HMCN1: variants seen among roughly 807,000 people sequenced by gnomAD.
The protein encoded by HMCN1 is hemicentin-1.
HMCN1 carries 321 observed loss-of-function variants against 625.9 expected under a neutral mutation model. The ratio of observed to expected loss-of-function variants is 0.51; its 90% CI spans 0.47 to 0.56. The LOEUF (loss-of-function observed/expected upper bound fraction) is 0.56, where lower values mean the gene tolerates loss of function less well. HMCN1 is among the 20% of genes least tolerant of loss of function. The pLI, the probability that HMCN1 is intolerant of heterozygous loss-of-function variation, is 0.00. For synonymous variants in HMCN1, 2,425 were observed against 2,417.6 expected, an observed-to-expected ratio of 1.00 and a Z score of -0.09; for missense variants, 6,588 against 6,887.3, an observed-to-expected ratio of 0.96 and a Z score of 1.54.
Position 186,018,273 on chromosome 1 carries a change from G to C in HMCN1, c.5391G>C (p.Val1797=). ...GRKLVIAQAQ[V]SNTGLYRCMA... ...AACTGGTTATTGCTCAGGCTCAAGT[G>C]TCAAACACAGGCCTTTATCGGTGCA... Residue 1797 remains valine, a synonymous_variant, in exon 34 of 107, where the codon GTG becomes GTC. Coordinates refer to ENST00000271588, the MANE Select transcript of HMCN1 (RefSeq NM_031935.3). The C allele has an allele frequency of 1.2e-6, 2 of 1,612,948 alleles. No homozygotes were observed. Among genetic ancestry groups the C allele is most frequent in the Non-Finnish European group, 1.7e-6 (2 of 1,179,150 alleles).
intron 76 of HMCN1, 135 bp downstream of exon 76, chr1:186,117,250 G>C: frequency 4.8e-6 from 6 of 1,242,640 alleles, no homozygotes; most frequent in Non-Finnish European, 6.8e-6. Context: ...ATGCAGGTTC[G>C]TTATATGGGT....
At chr1:185,828,948 C>T (rs1660689237) in intron 1 of HMCN1, among the ~76,000 whole-genome samples, 1 of 151,720 alleles carries the variant, frequency 6.6e-6, no homozygotes. Flanking sequence ...CTATGCAAAG[C>T]AAAATGAAGT....
At chr1:186,166,391 T>A in intron 99 of HMCN1, 88 bp downstream of exon 99, 3 of 1,498,910 alleles carry the variant, frequency 2.0e-6, no homozygotes, top group Non-Finnish European at 2.8e-6. Flanking sequence ...TTATCTTCTT[T>A]CCTACTACTT....
intron 63 of HMCN1, among the ~76,000 whole-genome samples, chr1:186,089,830 A>G (rs991343908): frequency 6.6e-6 from 1 of 151,910 alleles, no homozygotes; most frequent in Non-Finnish European, 1.5e-5. Flanking sequence ...TAAATTGTGC[A>G]AAAGTGGTAA....
At chr1:185,913,903 G>T (rs1455408284) in intron 6 of HMCN1, among the ~76,000 whole-genome samples, 2 of 152,114 alleles carry the variant, frequency 1.3e-5, no homozygotes, top group Non-Finnish European at 2.9e-5. Flanking sequence ...TTCTATGAGT[G>T]AGCAGAGCCT....
chr1:185,807,862 T>C (rs1180857671), intron 1 of HMCN1, among the ~76,000 whole-genome samples: 1 of 152,190 alleles, frequency 6.6e-6, no homozygotes, highest in African/African-American at 2.4e-5. Flanking sequence ...AGTAAACATT[T>C]TGAAAACTAC....
At chr1:185,826,990 C>A (rs549763790) in intron 1 of HMCN1, among the ~76,000 whole-genome samples, 51 of 151,952 alleles carry the variant, frequency 3.4e-4, no homozygotes, top group Middle Eastern at 3.4e-3. Context: ...TCCTGGCTGA[C>A]ACAGTGAAAC....
At chr1:186,005,603 A>T (rs1653571766) in intron 29 of HMCN1, among the ~76,000 whole-genome samples, 1 of 152,040 alleles carries the variant, frequency 6.6e-6, no homozygotes, top group African/African-American at 2.4e-5. Context: ...AAATGTGTTT[A>T]ATTTTGTTAA....
At chr1:186,029,539 GTT>G (rs34307509) in intron 36 of HMCN1, among the ~76,000 whole-genome samples, 1 of 147,986 alleles carries the variant, frequency 6.8e-6, no homozygotes, top group Non-Finnish European at 1.5e-5. Flanking sequence ...TTCTCCTAAA[GTT>G]TTTTTTTTTT....
intron 13 of HMCN1, among the ~76,000 whole-genome samples, chr1:185,964,806 G>A (rs761711798): frequency 2.0e-5 from 3 of 152,062 alleles, no homozygotes; most frequent in Admixed American, 6.6e-5. Context: ...GATTTGAAAG[G>A]TTGTGGCAAA....
chr1:185,953,384 C>T (rs1649377326), intron 11 of HMCN1, among the ~76,000 whole-genome samples: 2 of 151,872 alleles, frequency 1.3e-5, no homozygotes, highest in South Asian at 4.1e-4. Flanking sequence ...AGAGAGGCGT[C>T]CCTGCAATGA....
At chr1:185,831,218 T>C (rs909499572) in intron 1 of HMCN1, among the ~76,000 whole-genome samples, 6 of 152,104 alleles carry the variant, frequency 3.9e-5, no homozygotes, top group Admixed American at 2.0e-4. Context: ...TGATTAAAGG[T>C]GTTTATTTCA....
At chr1:185,845,624 A>G (rs1661764543) in intron 1 of HMCN1, among the ~76,000 whole-genome samples, 1 of 152,248 alleles carries the variant, frequency 6.6e-6, no homozygotes, top group African/African-American at 2.4e-5. Context: ...TAAGACTTAC[A>G]GAAAAGTTGC....
rs756768991 is a variant in HMCN1 at position 186,144,153 on chromosome 1, G to A, written c.13925-20G>A. 1 of 1,566,990 alleles carries A rather than the reference G, an allele frequency of 6.4e-7. No homozygotes were observed. Among genetic ancestry groups the A allele is most frequent in the Admixed American group, 2.0e-5 (1 of 50,148 alleles). ...AAACACGGTTCTGTGACTTGCAACT[G>A]TCTTTTGGGGTGTTTGCAGTTCATG... On this transcript the variant is annotated intron_variant, in intron 89 of 106. Coordinates refer to ENST00000271588, the MANE Select transcript of HMCN1 (RefSeq NM_031935.3).
intron 1 of HMCN1, among the ~76,000 whole-genome samples, chr1:185,749,974 G>GTCACCTCC (rs1388367896): frequency 6.6e-6 from 1 of 152,130 alleles, no homozygotes; most frequent in Non-Finnish European, 1.5e-5. Flanking sequence ...TTGGCTAAAA[G>GTCACCTCC]TCACCTCCTC....
chr1:185,791,066 C>G lies in HMCN1; in HGVS notation c.269-54960C>G, dbSNP rs746373013. Among the ~76,000 whole-genome samples, 139 of 152,196 alleles carry G rather than the reference C, an allele frequency of 9.1e-4. 1 individual carries two copies. Among genetic ancestry groups the G allele is most frequent in the Middle Eastern group, 3.4e-3 (1 of 294 alleles). Reference sequence around the variant, plus strand: ...AACTGTTGTACCTAAAAATTTCCTACTCATACTTTGGATTCAGCTTAGACT... The same window carrying G: ...AACTGTTGTACCTAAAAATTTCCTAGTCATACTTTGGATTCAGCTTAGACT... On this transcript the variant is annotated intron_variant, in intron 1 of 106. Coordinates refer to ENST00000271588, the MANE Select transcript of HMCN1 (RefSeq NM_031935.3).
chr1:185,810,108 G>A (rs1312364797), intron 1 of HMCN1, among the ~76,000 whole-genome samples: 6 of 152,066 alleles, frequency 3.9e-5, no homozygotes, highest in African/African-American at 7.2e-5. Context: ...CTACAAAACA[G>A]GAGAGAGTCA....
intron 105 of HMCN1, among the ~76,000 whole-genome samples, chr1:186,187,377 G>A (rs1653400343): frequency 6.6e-6 from 1 of 151,998 alleles, no homozygotes; most frequent in Admixed American, 6.6e-5. Flanking sequence ...CATCTCTCCT[G>A]AATTCATAAC....
chr1:186,039,924 CAGTACAGGA>C, intron 39 of HMCN1, 45 bp downstream of exon 39: 1 of 1,565,786 alleles, frequency 6.4e-7, no homozygotes, highest in East Asian at 2.2e-5. Context: ...CCTGATTATT[CAGTACAGGA>C]AGTACACACA....
Sources: gnomAD v4.1 joint callset for allele counts (sites outside exome capture counted in the v4.1 genomes callset) on GRCh38, gnomAD v4.1.1 for gene constraint, MANE v1.5 for transcripts, NCBI Gene and HGNC (gene_info 2026-07-23, HGNC 2026-07-21) for gene names.